Variants in SEMA6A observed in about 807,000 individuals in gnomAD.
The protein encoded by SEMA6A is semaphorin-6A.
SEMA6A carries 25 observed loss-of-function variants against 96.8 expected under a neutral mutation model. The observed-to-expected ratio is 0.26, with a 90% confidence interval of 0.19 to 0.36. The LOEUF (loss-of-function observed/expected upper bound fraction) is 0.36, where lower values mean the gene tolerates loss of function less well. Among genes scored for constraint, SEMA6A ranks in the 10% least tolerant of loss-of-function variants. The pLI is 1.00. For missense variants in SEMA6A, 1,363 were observed against 1,323.1 expected, an observed-to-expected ratio of 1.03 and a Z score of -0.47; for synonymous variants, 612 against 518.0, an observed-to-expected ratio of 1.18 and a Z score of -2.46.
intron 1 of SEMA6A, among the ~76,000 whole-genome samples, chr5:116,557,533 T>A (rs1475933894): frequency 6.6e-6 from 1 of 152,204 alleles, no homozygotes; most frequent in Non-Finnish European, 1.5e-5. Context: ...ATAGCCTTAT[T>A]TAGAGAGAGC....
intron 17 of SEMA6A, chr5:116,472,749 A>C: frequency 1.6e-6 from 1 of 630,450 alleles, no homozygotes; most frequent in Non-Finnish European, 2.5e-6. Context: ...GGTGAAATTA[A>C]TAAATAATTT....
chr5:116,519,688 CACACGCACACACAT>C (rs1273322682), intron 1 of SEMA6A, among the ~76,000 whole-genome samples: 1 of 146,212 alleles, frequency 6.8e-6, no homozygotes. Context: ...CACACACACA[CACACGCACACACAT>C]ACATTATACA....
rs1761383608 is a variant in SEMA6A at position 116,574,476 on chromosome 5, AG to A, written c.-331del. 1 of 152,092 alleles carries A rather than the reference AG, an allele frequency of 6.6e-6. No individual in the cohort carries two copies. Among genetic ancestry groups the A allele is most frequent in the South Asian group, 2.1e-4 (1 of 4,820 alleles). 9.4% of individuals were successfully genotyped at this position (152,092 alleles called of 1,614,324 possible). ...AAGAAAAAGAAAAAGAAAACCAACA[AG>A]GAAGAGGGTAAATGTTCAAGAAACT... is the stretch of plus-strand genomic sequence containing the variant. On this transcript the variant is annotated 5_prime_UTR_variant, in exon 1 of 19. Transcript: ENST00000343348.
At chr5:116,468,877 G>GT (rs1199915268) in intron 17 of SEMA6A, 6 of 152,100 alleles carry the variant, frequency 3.9e-5, no homozygotes, top group Admixed American at 3.9e-4. Flanking sequence ...CAGCCTTGAA[G>GT]TATGATCACC....
In SEMA6A at chr5:116,447,439, G is replaced by T. The variant is rs970379103; in HGVS notation, c.2267C>A (p.Pro756His). 3.1e-6 allele frequency: 5 copies of T among 1,613,968 alleles called. No individual in the cohort carries two copies. The highest frequency in any genetic ancestry group is 2.7e-5 in the African/African-American group (2 of 74,956). Reference protein sequence around the residue: ...DQHHLDLTALPTPESTPTLQQ... With the variant: ...DQHHLDLTALHTPESTPTLQQ... ...CAGCGTTGGGGTTGACTCTGGGGTG[G>T]GGAGGGCCGTCAGGTCCAGGTGGTG... is the stretch of plus-strand genomic sequence containing the variant. The change falls in exon 19 of 19, where the codon CCC (proline) becomes CAC (histidine). Residue 756 changes from proline (P) to histidine (H), a missense_variant. Transcript: ENST00000343348.
intron 7 of SEMA6A, among the ~76,000 whole-genome samples, chr5:116,490,460 C>T (rs1229612460): frequency 6.6e-6 from 1 of 152,180 alleles, no homozygotes; most frequent in East Asian, 1.9e-4. Context: ...CCAACTAATG[C>T]AGGTTCCAAG....
chr5:116,480,600 C>T (rs1468285444), intron 11 of SEMA6A, among the ~76,000 whole-genome samples: 2 of 152,092 alleles, frequency 1.3e-5, no homozygotes, highest in Non-Finnish European at 2.9e-5. Context: ...GCACATATCT[C>T]GGGGATGGTT....
At chr5:116,494,188 A>G (rs1426734967) in intron 6 of SEMA6A, among the ~76,000 whole-genome samples, 1 of 152,062 alleles carries the variant, frequency 6.6e-6, no homozygotes, top group Non-Finnish European at 1.5e-5. Context: ...TTGTCATTTC[A>G]CAGTCACACA....
intron 18 of SEMA6A, among the ~76,000 whole-genome samples, chr5:116,455,336 T>C (rs755757207): frequency 1.3e-5 from 2 of 152,220 alleles, no homozygotes; most frequent in Non-Finnish European, 2.9e-5. Context: ...TTTCATGTGT[T>C]AGAACTGTTA....
intron 1 of SEMA6A, among the ~76,000 whole-genome samples, chr5:116,559,277 T>C (rs771821529): frequency 5.3e-5 from 8 of 152,184 alleles, no homozygotes; most frequent in Non-Finnish European, 8.8e-5. Flanking sequence ...GCCTGGAAGC[T>C]TGGGGGGATG....
In SEMA6A at chr5:116,559,316, C is replaced by CGCAAGGCCTGGTT. The variant is rs550485006; in HGVS notation, c.-39+14868_-39+14869insAACCAGGCCTTGC. ...AACTCCTCCCTCCTCAGGCCCAGTC[C>CGCAAGGCCTGGTT]GCAAGGCCTGGTGCGTCGCCCAGAT... is the stretch of plus-strand genomic sequence containing the variant. On this transcript the variant is annotated intron_variant, in intron 1 of 18. Transcript: ENST00000343348. Among the ~76,000 whole-genome samples, 18 of 152,298 alleles carry CGCAAGGCCTGGTT rather than the reference C, an allele frequency of 1.2e-4. No individual in the cohort carries two copies. The East Asian group carries it at 3.5e-3, about 29-fold the overall frequency.
intron 5 of SEMA6A, 144 bp downstream of exon 5, chr5:116,496,106 AG>A (rs1396132815): frequency 5.9e-6 from 4 of 675,322 alleles, no homozygotes; most frequent in Admixed American, 5.6e-5. Flanking sequence ...TGCAAATTAA[AG>A]CCTTCAGTAA....
At position 116,501,243 on chromosome 5, in the gene SEMA6A, G is replaced by A. The variant is rs72812707; in HGVS notation, c.218+967C>T. ...TCTCATTTGGCAGAGGATACTTATGGCCAGACAACTTGTGGTCCGGCTAAA... is the reference window on the plus strand; with the variant it reads ...TCTCATTTGGCAGAGGATACTTATGACCAGACAACTTGTGGTCCGGCTAAA... On this transcript the variant is annotated intron_variant, in intron 3 of 18. Transcript: ENST00000343348. 3.2e-3 allele frequency among the ~76,000 whole-genome samples: 481 copies of A among 152,248 alleles called. 3 individuals are homozygous for A. Among genetic ancestry groups the A allele is most frequent in the Non-Finnish European group, 4.1e-3 (282 of 68,030 alleles).
At chr5:116,573,483 C>T (rs1045627678) in intron 1 of SEMA6A, among the ~76,000 whole-genome samples, 1 of 152,142 alleles carries the variant, frequency 6.6e-6, no homozygotes, top group Non-Finnish European at 1.5e-5. Flanking sequence ...GCCGCGTCAC[C>T]CGAACGGCTG....
At chr5:116,570,697 C>T (rs1761177553) in intron 1 of SEMA6A, among the ~76,000 whole-genome samples, 1 of 152,210 alleles carries the variant, frequency 6.6e-6, no homozygotes, top group South Asian at 2.1e-4. Context: ...CATCATCACT[C>T]TTTTGTCCTG....
intron 1 of SEMA6A, among the ~76,000 whole-genome samples, chr5:116,559,708 G>T (rs138909264): frequency 6.6e-6 from 1 of 152,124 alleles, no homozygotes; most frequent in African/African-American, 2.4e-5. Flanking sequence ...CTGGGTTCCT[G>T]TCCTGGCCAA....
intron 10 of SEMA6A, among the ~76,000 whole-genome samples, chr5:116,484,910 G>A (rs534399732): frequency 1.3e-5 from 2 of 152,312 alleles, no homozygotes; most frequent in African/African-American, 4.8e-5. Flanking sequence ...ATGAACTAGA[G>A]AAGGAAATGG....
At position 116,446,546 on chromosome 5, in the gene SEMA6A, C is replaced by A. The variant is rs1580429479; in HGVS notation, c.*67G>T. ...GGTGGGTACTCGAGGCAGTTGAGAA[C>A]CTTGCTGAGCTGAGCGGGCACCTCG... On this transcript the variant is annotated 3_prime_UTR_variant, in exon 19 of 19. Transcript: ENST00000343348. 1.5e-6 allele frequency: 2 copies of A among 1,356,226 alleles called. No homozygotes were observed. The highest frequency in any genetic ancestry group is 2.0e-6 in the Non-Finnish European group (2 of 1,017,022). 84.0% of individuals were successfully genotyped at this position (1,356,226 alleles called of 1,614,324 possible).
intron 7 of SEMA6A, among the ~76,000 whole-genome samples, chr5:116,489,558 C>A (rs1757234330): frequency 6.6e-6 from 1 of 152,232 alleles, no homozygotes; most frequent in Non-Finnish European, 1.5e-5. Flanking sequence ...CTCTTGACCT[C>A]AGGCTTGACA....
Sources: allele counts gnomAD v4.1 joint callset (sites outside exome capture counted in the v4.1 genomes callset), GRCh38; gene constraint gnomAD v4.1.1; transcripts MANE v1.5; gene names NCBI Gene and HGNC (gene_info 2026-07-23, HGNC 2026-07-21).